ACTA2: variants seen among roughly 807,000 people sequenced by gnomAD.
ACTA2 encodes the protein actin, aortic smooth muscle.
A neutral mutation model predicts 39.5 loss-of-function variants in ACTA2; 12 were observed. That is an observed-to-expected ratio of 0.30 (90% confidence interval 0.19 to 0.49). ACTA2 has a LOEUF of 0.49. Among genes scored for constraint, ACTA2 ranks in the 20% least tolerant of loss-of-function variants. ACTA2 has a pLI of 0.99. For synonymous variants in ACTA2, 158 were observed against 180.6 expected (o/e 0.88, Z 1.00); for missense variants, 236 against 498.8 (o/e 0.47, Z 5.02).
chr10:88,936,891 A>C (rs1227461350), intron 8 of ACTA2, among the ~76,000 whole-genome samples: 2 of 152,112 alleles, frequency 1.3e-5, no homozygotes, highest in Non-Finnish European at 2.9e-5. Flanking sequence ...TCTCTATACT[A>C]TCTCATTACA....
rs373402293 is a variant in ACTA2, at chr10:88,948,797, C to T, written c.129+5G>A. ...CTGTTATGTTCCAATCATAATTTTC[C>T]TCACCTGATGTCTGGGACGTCCCAC... On this transcript the variant is annotated splice_donor_5th_base_variant and intron_variant, in intron 2 of 8. Transcript: ENST00000224784. 5.0e-6 allele frequency: 8 copies of T among 1,613,702 alleles called. No individual in the cohort carries two copies. Among genetic ancestry groups the T allele is most frequent in the African/African-American group, 4.0e-5 (3 of 74,858 alleles).
intron 3 of ACTA2, among the ~76,000 whole-genome samples, chr10:88,945,470 T>C (rs1845928931): frequency 6.6e-6 from 1 of 152,270 alleles, no homozygotes; most frequent in Non-Finnish European, 1.5e-5. Flanking sequence ...ATCGTGATTC[T>C]GATATATCTT....
intron 1 of ACTA2, among the ~76,000 whole-genome samples, chr10:88,949,940 A>C (rs1027132634): frequency 2.6e-5 from 4 of 152,148 alleles, no homozygotes; most frequent in African/African-American, 9.7e-5. Context: ...TAATAAAACA[A>C]AATTTTAAAT....
chr10:88,983,638 AACACACAC>A (rs755182708), intron 1 of ACTA2, among the ~76,000 whole-genome samples: 11 of 102,882 alleles, frequency 1.1e-4, no homozygotes, highest in South Asian at 9.3e-4. Flanking sequence ...AAAAAAAAAA[AACACACAC>A]ACACACACAC....
At chr10:88,938,704 G>A (rs1466472465) in intron 7 of ACTA2, among the ~76,000 whole-genome samples, 2 of 138,876 alleles carry the variant, frequency 1.4e-5, no homozygotes, top group Non-Finnish European at 3.0e-5. Flanking sequence ...TGTTGGAAAA[G>A]GCTCATTTTT....
intron 1 of ACTA2, among the ~76,000 whole-genome samples, chr10:88,965,771 A>C (rs1456186117): frequency 6.6e-6 from 1 of 152,086 alleles, no homozygotes; most frequent in Non-Finnish European, 1.5e-5. Flanking sequence ...GAAACAGCAG[A>C]CTCCATGGAA....
At chr10:88,964,925 C>A (rs1042065974) in intron 1 of ACTA2, among the ~76,000 whole-genome samples, 1 of 152,122 alleles carries the variant, frequency 6.6e-6, no homozygotes, top group Admixed American at 6.6e-5. Flanking sequence ...AACTTTCACT[C>A]CAAGCTTTAC....
intron 1 of ACTA2, among the ~76,000 whole-genome samples, chr10:88,959,017 G>T (rs1345558640): frequency 6.6e-6 from 1 of 152,066 alleles, no homozygotes; most frequent in African/African-American, 2.4e-5. Flanking sequence ...CCACAAACAA[G>T]CCATTTATAC....
At chr10:88,969,457 C>A (rs1846383526) in intron 1 of ACTA2, among the ~76,000 whole-genome samples, 1 of 152,216 alleles carries the variant, frequency 6.6e-6, no homozygotes, top group Non-Finnish European at 1.5e-5. Flanking sequence ...AGCATGCCCC[C>A]ATTGGCATAG....
intron 1 of ACTA2, 122 bp from the exon 2 acceptor site, chr10:88,949,075 G>T: frequency 2.4e-6 from 2 of 847,782 alleles, no homozygotes; most frequent in Admixed American, 2.1e-5. Flanking sequence ...GCTATCCTCT[G>T]ACCCTTATCT....
chr10:88,978,991 T>C (rs1846642685), intron 1 of ACTA2, among the ~76,000 whole-genome samples: 1 of 151,950 alleles, frequency 6.6e-6, no homozygotes, highest in African/African-American at 2.4e-5. Context: ...TTACCTCCTT[T>C]CATCCTCCTA....
chr10:88,987,808 T>C, intron 1 of ACTA2, among the ~76,000 whole-genome samples: 1 of 152,364 alleles, frequency 6.6e-6, no homozygotes, highest in African/African-American at 2.4e-5. Flanking sequence ...CACTTGGCTA[T>C]TTAGTCAAAC....
Position 88,947,350 on chromosome 10 carries a change from C to T in ACTA2, c.166G>A (p.Val56Met), listed in dbSNP as rs1845970585. ...MVGMGQKDSY[V>M]GDEAQSKRGI... ...CTTTTGCTCTGTGCTTCGTCACCCA[C>T]GTAGCTGTCTTTTTGTCCCATTCCC... The change falls in exon 3 of 9, where the codon GTG becomes ATG. Residue 56 changes from valine to methionine, a missense_variant. By Grantham distance (21) the Val-to-Met change is conservative (BLOSUM62 1). Transcript: ENST00000224784. The T allele has an allele frequency of 5.0e-6, 8 of 1,613,840 alleles. No homozygotes were observed. The highest frequency in any genetic ancestry group is 6.8e-6 in the Non-Finnish European group (8 of 1,179,932).
At chr10:88,938,517 T>G (rs1845788554) in intron 7 of ACTA2, 2 of 434,504 alleles carry the variant, frequency 4.6e-6, no homozygotes, top group Non-Finnish European at 8.6e-6. Flanking sequence ...TCACTCCATG[T>G]GGTTTAAATA....
intron 1 of ACTA2, among the ~76,000 whole-genome samples, chr10:88,962,502 G>A (rs1846241449): frequency 6.6e-6 from 1 of 152,254 alleles, no homozygotes; most frequent in South Asian, 2.1e-4. Context: ...GCCTTACTTT[G>A]TTATCAGCTT....
intron 4 of ACTA2, among the ~76,000 whole-genome samples, chr10:88,942,773 C>T (rs554345800): frequency 6.6e-6 from 1 of 151,442 alleles, no homozygotes; most frequent in African/African-American, 2.4e-5. Flanking sequence ...ACACCACTGA[C>T]AGGAACAATA....
At chr10:88,968,092 G>A (rs946230021) in intron 1 of ACTA2, among the ~76,000 whole-genome samples, 1 of 152,080 alleles carries the variant, frequency 6.6e-6, no homozygotes, top group African/African-American at 2.4e-5. Context: ...TTCTGCAGAA[G>A]TAAACTATTC....
upstream of ACTA2, among the ~76,000 whole-genome samples, chr10:88,957,332 A>G (rs953226003): frequency 6.6e-6 from 1 of 152,210 alleles, no homozygotes; most frequent in East Asian, 1.9e-4. Flanking sequence ...GCAGAATAGC[A>G]CCTGTTAGAT....
intron 7 of ACTA2, among the ~76,000 whole-genome samples, chr10:88,938,777 G>T (rs564646918): frequency 6.6e-6 from 1 of 152,092 alleles, no homozygotes; most frequent in Admixed American, 6.6e-5. Context: ...AATTTCTGAC[G>T]CAGGTGTTTT....
Sources: gnomAD v4.1 joint callset for allele counts (sites outside exome capture counted in the v4.1 genomes callset) on GRCh38, gnomAD v4.1.1 for gene constraint, MANE v1.5 for transcripts, NCBI Gene and HGNC (gene_info 2026-07-23, HGNC 2026-07-21) for gene names.